ITGBL1: variants seen among roughly 807,000 people sequenced by gnomAD.
ITGBL1 encodes integrin beta-like protein 1.
Under a neutral mutation model 68.5 loss-of-function variants are expected in ITGBL1, and 51 were observed. That is an observed-to-expected ratio of 0.74 (90% confidence interval 0.59 to 0.94). The LOEUF (loss-of-function observed/expected upper bound fraction) is 0.94. ITGBL1 is among the 40% of genes least tolerant of loss of function. ITGBL1 has a pLI of 0.00. For missense variants in ITGBL1, 649 were observed against 647.4 expected, an observed-to-expected ratio of 1.00 and a Z score of -0.03; for synonymous variants, 209 against 227.3, an observed-to-expected ratio of 0.92 and a Z score of 0.72.
intron 8 of ITGBL1, among the ~76,000 whole-genome samples, chr13:101,701,282 C>G (rs1425173959): frequency 6.6e-6 from 1 of 152,106 alleles, no homozygotes. Flanking sequence ...CACCTGTAAT[C>G]CCAGCACTTT....
chr13:101,596,774 G>A (rs1372626087), intron 6 of ITGBL1, among the ~76,000 whole-genome samples: 2 of 151,940 alleles, frequency 1.3e-5, no homozygotes, highest in Non-Finnish European at 2.9e-5. Flanking sequence ...TTTATCCATA[G>A]AGGAATCTTA....
At chr13:101,540,829 G>C (rs1312550303) in intron 2 of ITGBL1, among the ~76,000 whole-genome samples, 1 of 143,300 alleles carries the variant, frequency 7.0e-6, no homozygotes, top group Non-Finnish European at 1.5e-5. Context: ...GTGAATGGGA[G>C]TTCACTCATG....
At chr13:101,606,025 A>G (rs2030824095) in intron 7 of ITGBL1, among the ~76,000 whole-genome samples, 2 of 145,442 alleles carry the variant, frequency 1.4e-5, no homozygotes, top group Non-Finnish European at 1.5e-5. Context: ...TATATATGTT[A>G]TATAGCATAT....
Position 101,715,493 on chromosome 13 carries a change from T to C in ITGBL1, c.1394-70T>C, listed in dbSNP as rs532126850. On this transcript the variant is annotated intron_variant, in intron 10 of 10. Coordinates refer to ENST00000376180, the MANE Select transcript of ITGBL1 (RefSeq NM_004791.3). ...ATGATTTCATTGTGGACACTTGTGA[T>C]TTATAATAGCATGTTTAAATTTGGC... The C allele has an allele frequency of 1.2e-5, 13 of 1,041,388 alleles. No individual in the cohort carries two copies. In the African/African-American group the frequency reaches 1.2e-4, roughly 10 times the overall value. 64.5% of individuals were successfully genotyped at this position (1,041,388 alleles called of 1,614,324 possible). A position where few individuals can be genotyped will look rare whatever the true frequency, so the allele number is the denominator to read the frequency against.
At chr13:101,615,798 A>G (rs1478507188) in intron 7 of ITGBL1, among the ~76,000 whole-genome samples, 1 of 151,968 alleles carries the variant, frequency 6.6e-6, no homozygotes, top group African/African-American at 2.4e-5. Flanking sequence ...AAGTAATTAT[A>G]ATAATAATAA....
chr13:101,461,649 C>G (rs1303308843), intron 2 of ITGBL1, among the ~76,000 whole-genome samples: 5 of 152,104 alleles, frequency 3.3e-5, no homozygotes, highest in African/African-American at 1.2e-4. Context: ...GAGCTATGAT[C>G]AGGCCACTGC....
intron 3 of ITGBL1, 34 bp downstream of exon 3, chr13:101,567,879 G>C (rs774697420): frequency 6.4e-7 from 1 of 1,572,578 alleles, no homozygotes; most frequent in African/African-American, 1.4e-5. Context: ...TTGTTAAGTG[G>C]AATAATCAAA....
At chr13:101,542,114 C>T (rs529409546) in intron 2 of ITGBL1, among the ~76,000 whole-genome samples, 25 of 152,170 alleles carry the variant, frequency 1.6e-4, no homozygotes, top group African/African-American at 5.1e-4. Flanking sequence ...AATGTGTTTG[C>T]TCTTGCTTTT....
chr13:101,527,331 T>A (rs993743462), intron 2 of ITGBL1, among the ~76,000 whole-genome samples: 6 of 152,158 alleles, frequency 3.9e-5, no homozygotes, highest in African/African-American at 1.4e-4. Flanking sequence ...TCCTATAATG[T>A]AATATAAAAG....
chr13:101,601,531 T>G (rs1301949543), intron 7 of ITGBL1, among the ~76,000 whole-genome samples: 2 of 152,006 alleles, frequency 1.3e-5, no homozygotes, highest in Non-Finnish European at 2.9e-5. Context: ...TGATGTTAGG[T>G]TGTCAATTTT....
chr13:101,652,786 A>T (rs1026136430), intron 7 of ITGBL1, among the ~76,000 whole-genome samples: 4 of 152,106 alleles, frequency 2.6e-5, no homozygotes, highest in African/African-American at 9.7e-5. Context: ...ACCTCAATAT[A>T]GTGATCATCA....
chr13:101,664,432 A>G (rs2033163761), intron 7 of ITGBL1, among the ~76,000 whole-genome samples: 1 of 152,160 alleles, frequency 6.6e-6, no homozygotes, highest in Non-Finnish European at 1.5e-5. Context: ...ATAATTGTAA[A>G]AGGCAGCAAT....
chr13:101,706,694 ACT>A (rs2034271196), intron 8 of ITGBL1, 60 bp from the exon 9 acceptor site: 1 of 1,536,146 alleles, frequency 6.5e-7, no homozygotes, highest in Non-Finnish European at 8.9e-7. Flanking sequence ...CTTTCTTAAA[ACT>A]CTCTGCTTCA....
At chr13:101,681,437 A>G (rs1458398260) in intron 7 of ITGBL1, among the ~76,000 whole-genome samples, 1 of 152,178 alleles carries the variant, frequency 6.6e-6, no homozygotes, top group African/African-American at 2.4e-5. Context: ...CAAAAATGTT[A>G]CTGGTGGTCA....
chr13:101,510,180 T>G (rs1006785710), intron 2 of ITGBL1, among the ~76,000 whole-genome samples: 7 of 152,124 alleles, frequency 4.6e-5, no homozygotes, highest in Non-Finnish European at 7.4e-5. Context: ...CCTCTAGTAG[T>G]CCTCAGCATC....
intron 2 of ITGBL1, among the ~76,000 whole-genome samples, chr13:101,460,782 G>GGCAAGAGAAGGA (rs57088192): frequency 0.88 from 134,420 of 151,926 alleles, 59,670 homozygotes; most frequent in African/African-American, 0.96. Flanking sequence ...CATGTCACAT[G>GGCAAGAGAAGGA]GCAAGAGATA....
intron 8 of ITGBL1, among the ~76,000 whole-genome samples, chr13:101,703,087 A>T (rs1048055968): frequency 6.6e-6 from 1 of 152,148 alleles, no homozygotes; most frequent in Non-Finnish European, 1.5e-5. Flanking sequence ...CAGAAGTAAT[A>T]CTCAGAAAAT....
At position 101,671,944 on chromosome 13, in the gene ITGBL1, T is replaced by C. The variant is rs570003272; in HGVS notation, c.1016-20641T>C. The stretch of plus-strand genomic sequence containing the variant: ...TACAAAGGTTTTGACTGAGATGTGA[T>C]ATTTAAGTTATTTATAGGTACTACA... On this transcript the variant is annotated intron_variant, in intron 7 of 10. Coordinates refer to ENST00000376180, the MANE Select transcript of ITGBL1 (RefSeq NM_004791.3). Among the ~76,000 whole-genome samples, 9 of 152,268 alleles carry C rather than the reference T, an allele frequency of 5.9e-5. No individual in the cohort carries two copies. In the South Asian group the frequency reaches 1.7e-3, roughly 28 times the overall value.
At chr13:101,465,198 T>C (rs1157314823) in intron 2 of ITGBL1, among the ~76,000 whole-genome samples, 2 of 152,204 alleles carry the variant, frequency 1.3e-5, no homozygotes, top group East Asian at 3.8e-4. Flanking sequence ...CTTTTCTTTT[T>C]TCAAAATAAA....
Sources: allele counts gnomAD v4.1 joint callset (sites outside exome capture counted in the v4.1 genomes callset), GRCh38; gene constraint gnomAD v4.1.1; transcripts MANE v1.5; gene names NCBI Gene and HGNC (gene_info 2026-07-23, HGNC 2026-07-21).